Variants in STMN1 observed in about 807,000 individuals in gnomAD.
STMN1 encodes stathmin 1.
STMN1 carries 3 observed loss-of-function variants against 19.7 expected under a neutral mutation model. The observed-to-expected ratio is 0.15, with a 90% CI of 0.07 to 0.39. STMN1 has a LOEUF of 0.39. Ranked by LOEUF, STMN1 falls within the 10% of genes least tolerant of loss-of-function variation. The probability of loss-of-function intolerance (pLI) is 1.00; values close to 1 mark genes in which losing one functional copy is unlikely to be tolerated. For synonymous variants in STMN1, 59 were observed against 58.9 expected, an observed-to-expected ratio of 1.00 and a Z score of -0.01; for missense variants, 99 against 176.0, an observed-to-expected ratio of 0.56 and a Z score of 2.48.
intron 3 of STMN1, 183 bp from the exon 4 acceptor site, chr1:25,901,865 C>G (rs2124250907): frequency 2.4e-6 from 1 of 423,834 alleles, no homozygotes; most frequent in African/African-American, 2.1e-5. Flanking sequence ...CAAAAATTAG[C>G]CGGGCGTGGT....
downstream of STMN1, among the ~76,000 whole-genome samples, chr1:25,899,427 T>G (rs2048848612): frequency 6.6e-6 from 1 of 152,244 alleles, no homozygotes; most frequent in African/African-American, 2.4e-5. Context: ...CCTCTTGGTT[T>G]AGATATTGCT....
At chr1:25,901,888 T>C (rs1452960831) in intron 3 of STMN1, 2 of 341,690 alleles carry the variant, frequency 5.9e-6, no homozygotes, top group Non-Finnish European at 1.0e-5. Context: ...CGGGTGCCTG[T>C]AGTCTAAGTT....
chr1:25,892,682 G>C (rs1345881059), intron 4 of STMN1: 1 of 834,508 alleles, frequency 1.2e-6, no homozygotes, highest in Non-Finnish European at 1.4e-6. Flanking sequence ...AACGCCCCCG[G>C]GCCTCTCATC....
chr1:25,886,030 C>T (rs1572289486), intron 4 of STMN1, among the ~76,000 whole-genome samples: 1 of 152,318 alleles, frequency 6.6e-6, no homozygotes, highest in East Asian at 1.9e-4. Context: ...GGCCCCCACC[C>T]CCAGACATTC....
intron 4 of STMN1, among the ~76,000 whole-genome samples, chr1:25,894,879 G>A (rs2048805286): frequency 6.6e-6 from 1 of 151,690 alleles, no homozygotes; most frequent in African/African-American, 2.4e-5. Context: ...GCAACAGGCT[G>A]GCTCCAATTT....
rs372765323 is a variant in STMN1 at position 25,901,111 on chromosome 1, A to G, written c.379-24T>C. On this transcript the variant is annotated intron_variant, in intron 4 of 4. Coordinates refer to ENST00000455785, the MANE Select transcript of STMN1 (RefSeq NM_005563.4). ...TCCTGTAAAGGAAGGGTAAGGTGTC[A>G]TCAGTCAAAAAAAAAAAAAAAAAAA... 38 of 1,499,842 alleles carry G rather than the reference A, an allele frequency of 2.5e-5. No individual in the cohort carries two copies. In the African/African-American group the frequency reaches 5.5e-4, roughly 22 times the overall value. 92.9% of individuals were successfully genotyped at this position (1,499,842 alleles called of 1,614,324 possible).
chr1:25,894,579 T>C (rs1447719631), intron 4 of STMN1, among the ~76,000 whole-genome samples: 3 of 152,042 alleles, frequency 2.0e-5, no homozygotes, highest in East Asian at 3.9e-4. Context: ...ACTCTGGAAA[T>C]TGAGGTTGGA....
intron 4 of STMN1, among the ~76,000 whole-genome samples, chr1:25,891,321 A>G (rs1412618572): frequency 1.5e-5 from 2 of 135,766 alleles, no homozygotes; most frequent in Admixed American, 8.4e-5. Context: ...ACAAGAGCAA[A>G]ACTCCATCTT....
chr1:25,902,296 G>A (rs2048885200), intron 3 of STMN1: 1 of 152,082 alleles, frequency 6.6e-6, no homozygotes, highest in African/African-American at 2.4e-5. Flanking sequence ...ACTTGCGAGT[G>A]GCACTTTTAT....
At chr1:25,885,245 A>C (rs1052506212), downstream of STMN1, 9 of 153,870 alleles carry the variant, frequency 5.8e-5, no homozygotes, top group African/African-American at 2.2e-4. Context: ...TGCATTCCCC[A>C]GGAAGGGTGG....
chr1:25,888,083 A>AGCACAACC (rs1268190710), intron 4 of STMN1, among the ~76,000 whole-genome samples: 1 of 152,170 alleles, frequency 6.6e-6, no homozygotes, highest in Admixed American at 6.5e-5. Flanking sequence ...GTTTAAATCT[A>AGCACAACC]GCACAACCGC....
chr1:25,896,878 A>AT (rs2048821871), downstream of STMN1, among the ~76,000 whole-genome samples: 1 of 152,168 alleles, frequency 6.6e-6, no homozygotes, highest in African/African-American at 2.4e-5. Context: ...GGGTCCTTGG[A>AT]GTTCAGCTCT....
chr1:25,894,458 T>C (rs760404429), intron 4 of STMN1, among the ~76,000 whole-genome samples: 2 of 152,152 alleles, frequency 1.3e-5, no homozygotes, highest in Non-Finnish European at 2.9e-5. Flanking sequence ...GGCTGGTGGA[T>C]TGCTTGAGCT....
chr1:25,890,408 G>C (rs769356270), intron 4 of STMN1, among the ~76,000 whole-genome samples: 3 of 152,228 alleles, frequency 2.0e-5, no homozygotes, highest in African/African-American at 2.4e-5. Flanking sequence ...GAAGGCAGCT[G>C]TTCCATAACC....
At chr1:25,899,155 G>A (rs546397778), downstream of STMN1, among the ~76,000 whole-genome samples, 1 of 152,354 alleles carries the variant, frequency 6.6e-6, no homozygotes, top group African/African-American at 2.4e-5. Flanking sequence ...GGTAACTGAT[G>A]AGGCATCCTT....
rs1368227256 is a variant in STMN1 at position 25,906,079 on chromosome 1, G to A, written c.-63+310C>T. ...CGGCGGGGCCCGCAGGGAAGGGAGG[G>A]AGGGAGGGAGGTAAACGAGGGCCCA... On this transcript the variant is annotated intron_variant, in intron 1 of 4. Coordinates refer to ENST00000455785, the MANE Select transcript of STMN1 (RefSeq NM_005563.4). This position sits in a 1 kb window ranked among gnomAD's most constrained non-coding sequence, Gnocchi z 4.5. 6.6e-6 allele frequency: 1 copy of A among 150,692 alleles called. No individual in the cohort carries two copies. The highest frequency in any genetic ancestry group is 2.4e-5 in the African/African-American group (1 of 41,174). The allele number at this position is 150,692 out of a possible 1,614,324, so 9.3% of individuals were successfully genotyped here.
At chr1:25,904,579 C>T in intron 2 of STMN1, 85 bp downstream of exon 2, 1 of 1,266,910 alleles carries the variant, frequency 7.9e-7, no homozygotes, top group African/African-American at 1.5e-5. Flanking sequence ...AACATAAGTG[C>T]CAAATCAAAG....
chr1:25,902,860 G>A (rs1450808990), intron 3 of STMN1: 2 of 152,188 alleles, frequency 1.3e-5, no homozygotes, highest in Non-Finnish European at 2.9e-5. Flanking sequence ...CTGGTCTGGG[G>A]AAGGTTATTA....
downstream of STMN1, among the ~76,000 whole-genome samples, chr1:25,899,586 A>G (rs955614280): frequency 2.6e-5 from 4 of 152,246 alleles, no homozygotes; most frequent in African/African-American, 9.6e-5. Context: ...TAAAAACTGC[A>G]TAATTTCCAA....
Sources: allele counts gnomAD v4.1 joint callset (sites outside exome capture counted in the v4.1 genomes callset), GRCh38; gene constraint gnomAD v4.1.1; non-coding constraint Gnocchi (gnomAD v3.1); transcripts MANE v1.5; gene names NCBI Gene and HGNC (gene_info 2026-07-23, HGNC 2026-07-21).